The following OSBPL10 variants were observed in gnomAD, a reference collection of about 807,000 sequenced individuals.
The protein encoded by OSBPL10 is oxysterol binding protein like 10.
Under a neutral mutation model 81.7 loss-of-function variants are expected in OSBPL10, and 49 were observed. The observed-to-expected ratio is 0.60, with a 90% CI of 0.48 to 0.76. The LOEUF is 0.76. Among genes scored for constraint, OSBPL10 ranks in the 30% least tolerant of loss-of-function variants. The pLI, the probability that OSBPL10 is intolerant of heterozygous loss-of-function variation, is 0.00. For missense variants in OSBPL10, 923 were observed against 987.8 expected, an observed-to-expected ratio of 0.93 and a Z score of 0.88; for synonymous variants, 419 against 383.6, an observed-to-expected ratio of 1.09 and a Z score of -1.08.
chr3:31,998,267 G>A (rs1699110726), intron 2 of OSBPL10, among the ~76,000 whole-genome samples: 1 of 152,246 alleles, frequency 6.6e-6, no homozygotes, highest in African/African-American at 2.4e-5. Context: ...CCAGATGAAA[G>A]GGAAGAAATG....
At chr3:32,028,925 AG>A (rs5847730) in intron 2 of OSBPL10, among the ~76,000 whole-genome samples, 39,190 of 112,730 alleles carry the variant, frequency 0.35, 8,236 homozygotes, top group East Asian at 0.52. Flanking sequence ...GTAGCTAGTC[AG>A]GACACACACA....
intron 3 of OSBPL10, among the ~76,000 whole-genome samples, chr3:31,873,604 T>A (rs1701384081): frequency 1.3e-5 from 2 of 152,180 alleles, no homozygotes; most frequent in South Asian, 4.1e-4. Flanking sequence ...GAACACGATT[T>A]TACGTAAGAG....
chr3:31,704,755 C>G (rs1575487996), intron 6 of OSBPL10: 2 of 152,232 alleles, frequency 1.3e-5, no homozygotes, highest in East Asian at 1.9e-4. Context: ...CTCATCTTTC[C>G]CACTCACTGC....
At chr3:31,980,858 C>T in intron 1 of OSBPL10, 41 bp downstream of exon 1, 1 of 1,521,140 alleles carries the variant, frequency 6.6e-7, no homozygotes, top group East Asian at 2.7e-5. Context: ...CACACACACA[C>T]ACACAGCGGC....
intron 3 of OSBPL10, among the ~76,000 whole-genome samples, chr3:31,837,076 T>C (rs1700372688): frequency 6.6e-6 from 1 of 152,026 alleles, no homozygotes; most frequent in African/African-American, 2.4e-5. Context: ...AACACCTGAT[T>C]AGAGATTCAG....
At chr3:31,705,383 C>A (rs552621143) in intron 6 of OSBPL10, among the ~76,000 whole-genome samples, 38 of 107,734 alleles carry the variant, frequency 3.5e-4, no homozygotes, top group Middle Eastern at 4.6e-3. Context: ...CCCCCCCCCC[C>A]ACCCCCATCG....
chr3:32,009,240 GT>G (rs1184095381), intron 2 of OSBPL10, among the ~76,000 whole-genome samples: 9 of 152,202 alleles, frequency 5.9e-5, no homozygotes, highest in African/African-American at 2.2e-4. Context: ...GTGAAGGTCT[GT>G]AGTTGTCCTC....
intron 4 of OSBPL10, among the ~76,000 whole-genome samples, chr3:31,762,629 C>CCTTTTTTTTTTTT (rs1491572896): frequency 5.8e-5 from 1 of 17,234 alleles, no homozygotes; most frequent in African/African-American, 4.1e-4. Flanking sequence ...CCATGCCCAG[C>CCTTTTTTTTTTTT]ATTTTTTTTT....
intron 4 of OSBPL10, among the ~76,000 whole-genome samples, chr3:31,799,640 TTTA>T (rs1261255357): frequency 6.6e-6 from 1 of 152,140 alleles, no homozygotes; most frequent in Admixed American, 6.6e-5. Flanking sequence ...GCTGAAAACA[TTTA>T]TTAACCTCCT....
intron 3 of OSBPL10, among the ~76,000 whole-genome samples, chr3:31,867,593 A>G (rs942710807): frequency 1.3e-5 from 2 of 152,074 alleles, no homozygotes; most frequent in African/African-American, 4.8e-5. Flanking sequence ...AATACAAAAC[A>G]TTAGCCAGGC....
chr3:31,939,289 C>T (rs530041487), intron 1 of OSBPL10, among the ~76,000 whole-genome samples: 27 of 151,628 alleles, frequency 1.8e-4, no homozygotes, highest in Non-Finnish European at 2.8e-4. Flanking sequence ...GGACTACGGG[C>T]GCATGCCACC....
At chr3:31,908,620 G>A (rs1349952801) in intron 1 of OSBPL10, among the ~76,000 whole-genome samples, 1 of 152,124 alleles carries the variant, frequency 6.6e-6, no homozygotes, top group Non-Finnish European at 1.5e-5. Flanking sequence ...ATGAGGTTAA[G>A]GAAACTACTG....
chr3:31,871,677 C>G (rs1358042206), intron 3 of OSBPL10, among the ~76,000 whole-genome samples: 1 of 152,172 alleles, frequency 6.6e-6, no homozygotes, highest in East Asian at 1.9e-4. Context: ...TGGAGAACAG[C>G]CTGGGCTATG....
intron 4 of OSBPL10, among the ~76,000 whole-genome samples, chr3:31,785,729 T>C (rs1373469066): frequency 1.3e-5 from 2 of 152,202 alleles, no homozygotes. Context: ...TCTGGGATTC[T>C]TGTAAGGCTT....
intron 1 of OSBPL10, among the ~76,000 whole-genome samples, chr3:31,882,461 T>G (rs1695610221): frequency 6.6e-6 from 1 of 152,226 alleles, no homozygotes; most frequent in African/African-American, 2.4e-5. Context: ...ACCCAAGCCC[T>G]GCTGAATCAG....
chr3:31,777,168 T>A (rs1415284628), intron 4 of OSBPL10, among the ~76,000 whole-genome samples: 1 of 152,216 alleles, frequency 6.6e-6, no homozygotes, highest in East Asian at 1.9e-4. Context: ...GTGAAGGGAC[T>A]CCTGCAGCAC....
At chr3:31,675,963 AAAG>A (rs1473352088) in intron 8 of OSBPL10, among the ~76,000 whole-genome samples, 1 of 151,556 alleles carries the variant, frequency 6.6e-6, no homozygotes, top group Non-Finnish European at 1.5e-5. Flanking sequence ...AAAAAAAAAA[AAAG>A]AGGAAACTAC....
At chr3:31,804,101 T>C (rs562545294) in intron 4 of OSBPL10, among the ~76,000 whole-genome samples, 2 of 152,356 alleles carry the variant, frequency 1.3e-5, no homozygotes, top group African/African-American at 2.4e-5. Flanking sequence ...ATCATTACTA[T>C]GATGTTTGCT....
At chr3:31,759,677 C>T (rs924475163) in intron 4 of OSBPL10, among the ~76,000 whole-genome samples, 1 of 152,144 alleles carries the variant, frequency 6.6e-6, no homozygotes, top group Non-Finnish European at 1.5e-5. Flanking sequence ...GGAAGGCTTA[C>T]CGATAACATT....
Sources: allele counts gnomAD v4.1 joint callset (sites outside exome capture counted in the v4.1 genomes callset), GRCh38; gene constraint gnomAD v4.1.1; transcripts MANE v1.5; gene names NCBI Gene and HGNC (gene_info 2026-07-23, HGNC 2026-07-21).